The following CACNA1E variants were observed in gnomAD, a reference collection of about 807,000 sequenced individuals.
The protein encoded by CACNA1E is voltage-dependent R-type calcium channel subunit alpha-1E.
Under a neutral mutation model 259.2 loss-of-function variants are expected in CACNA1E, and 40 were observed. That is an observed-to-expected ratio of 0.15 (90% CI 0.12 to 0.20). CACNA1E has a LOEUF of 0.20. CACNA1E is among the 10% of genes least tolerant of loss of function. The pLI is 1.00. For synonymous variants in CACNA1E, 1,104 were observed against 1,138.5 expected (o/e 0.97, Z 0.61); for missense variants, 1,874 against 3,040.1 (o/e 0.62, Z 9.02).
chr1:181,784,680 G>A lies in CACNA1E; in HGVS notation c.5490G>A (p.Gln1830=), dbSNP rs1660712261. ...KIAKGGADRQ[Q]LDSELQKETL... ...TTCTAGGTGGTGCAGACAGGCAGCA[G>A]CTAGACTCAGAGCTACAAAAGGAGA... The change falls in exon 41 of 48, where the codon CAG becomes CAA. Residue 1830 remains glutamine (Q), a synonymous_variant. Coordinates refer to ENST00000367573, the MANE Select transcript of CACNA1E (RefSeq NM_001205293.3). 1 of 1,580,272 alleles carries A rather than the reference G, an allele frequency of 6.3e-7. No individual in the cohort carries two copies. Among genetic ancestry groups the A allele is most frequent in the African/African-American group, 1.4e-5 (1 of 73,934 alleles).
chr1:181,438,685 C>A (rs1375227291), intron 2 of CACNA1E, among the ~76,000 whole-genome samples: 1 of 152,062 alleles, frequency 6.6e-6, no homozygotes, highest in Admixed American at 6.5e-5. Flanking sequence ...TGGATCATAC[C>A]ACTCTTGTCA....
chr1:181,772,778 G>A (rs1251412760), intron 37 of CACNA1E, among the ~76,000 whole-genome samples: 1 of 152,140 alleles, frequency 6.6e-6, no homozygotes, highest in Non-Finnish European at 1.5e-5. Flanking sequence ...GATGATAATT[G>A]ACCAGCTGAT....
chr1:181,330,367 G>A (rs892313325), intron 1 of CACNA1E, among the ~76,000 whole-genome samples: 16 of 151,790 alleles, frequency 1.1e-4, no homozygotes, highest in Non-Finnish European at 2.2e-4. Flanking sequence ...AGTTTCTTAT[G>A]GCTGAAACCA....
At chr1:181,697,164 A>C (rs1010748573) in intron 7 of CACNA1E, among the ~76,000 whole-genome samples, 1 of 152,212 alleles carries the variant, frequency 6.6e-6, no homozygotes, top group Non-Finnish European at 1.5e-5. Flanking sequence ...TAACAAAAGC[A>C]GGGGAGGAAA....
chr1:181,548,313 A>G (rs867555254), intron 3 of CACNA1E, among the ~76,000 whole-genome samples: 3 of 151,940 alleles, frequency 2.0e-5, no homozygotes, highest in Non-Finnish European at 4.4e-5. Flanking sequence ...TTTAGTAGAT[A>G]CGGGGTTTCA....
At chr1:181,549,322 G>A (rs1320711599) in intron 3 of CACNA1E, among the ~76,000 whole-genome samples, 4 of 152,158 alleles carry the variant, frequency 2.6e-5, no homozygotes, top group Non-Finnish European at 5.9e-5. Context: ...AGAAGTGGAT[G>A]GATTAGAATG....
chr1:181,713,632 GTT>G (rs1414752939), intron 8 of CACNA1E, among the ~76,000 whole-genome samples: 1 of 152,174 alleles, frequency 6.6e-6, no homozygotes, highest in Non-Finnish European at 1.5e-5. Context: ...TGTTAAAAGT[GTT>G]TAAATTAAAC....
chr1:181,589,760 C>T (rs1456150145), intron 6 of CACNA1E, among the ~76,000 whole-genome samples: 1 of 152,040 alleles, frequency 6.6e-6, no homozygotes, highest in Non-Finnish European at 1.5e-5. Context: ...TCTGGACAGC[C>T]CATGTAGAAA....
intron 1 of CACNA1E, among the ~76,000 whole-genome samples, chr1:181,405,878 A>G (rs1657429871): frequency 6.6e-6 from 1 of 152,206 alleles, no homozygotes; most frequent in Non-Finnish European, 1.5e-5. Flanking sequence ...AGAGTTTAGG[A>G]AGACTCTGAG....
At chr1:181,346,883 T>C (rs1652633803) in intron 1 of CACNA1E, among the ~76,000 whole-genome samples, 1 of 152,074 alleles carries the variant, frequency 6.6e-6, no homozygotes, top group Non-Finnish European at 1.5e-5. Flanking sequence ...AGGAAGTCTC[T>C]CTATGGAAGC....
At position 181,461,872 on chromosome 1, in the gene CACNA1E, T is replaced by C. The variant is rs560261331; in HGVS notation, c.435-21872T>C. 1.5e-4 allele frequency among the ~76,000 whole-genome samples: 23 copies of C among 152,310 alleles called. No individual in the cohort carries two copies. The South Asian group carries it at 1.9e-3, about 12-fold the overall frequency. ...GAAAATTATCCGTAATGCCATCATG[T>C]ACAACTGATCGTTAATAATGGATAA... On this transcript the variant is annotated intron_variant, in intron 2 of 11. Transcript: ENST00000524607.
At chr1:181,601,797 C>T (rs991878491) in intron 6 of CACNA1E, among the ~76,000 whole-genome samples, 1 of 152,136 alleles carries the variant, frequency 6.6e-6, no homozygotes, top group African/African-American at 2.4e-5. Context: ...CAGAACCCTC[C>T]AGTAGCTCCT....
intron 1 of CACNA1E, among the ~76,000 whole-genome samples, chr1:181,324,833 C>G (rs1037510284): frequency 6.6e-6 from 1 of 152,078 alleles, no homozygotes; most frequent in Non-Finnish European, 1.5e-5. Context: ...TGAGTAAGTT[C>G]CAGGTTGCTC....
At chr1:181,747,748 T>C (rs956510410) in intron 25 of CACNA1E, among the ~76,000 whole-genome samples, 8 of 152,242 alleles carry the variant, frequency 5.3e-5, no homozygotes, top group African/African-American at 9.6e-5. Context: ...TCCTAAACAA[T>C]GTGCCTCAAT....
chr1:181,688,008 ATT>A (rs1053276503), intron 7 of CACNA1E, among the ~76,000 whole-genome samples: 24 of 152,022 alleles, frequency 1.6e-4, no homozygotes, highest in African/African-American at 5.1e-4. Flanking sequence ...TCCAAACATC[ATT>A]TTGTCTGAAA....
intron 19 of CACNA1E, 98 bp downstream of exon 19, chr1:181,731,329 C>A: frequency 1.1e-6 from 1 of 900,238 alleles, no homozygotes; most frequent in Non-Finnish European, 1.8e-6. Context: ...ACTGGGTGTG[C>A]ATGTCAGTGT....
At chr1:181,401,261 A>G (rs1657082207) in intron 1 of CACNA1E, among the ~76,000 whole-genome samples, 1 of 151,918 alleles carries the variant, frequency 6.6e-6, no homozygotes, top group South Asian at 2.1e-4. Context: ...CCTAACTCCC[A>G]TCCTTCCTGC....
chr1:181,470,619 A>G (rs1303173696), intron 2 of CACNA1E, among the ~76,000 whole-genome samples: 4 of 152,116 alleles, frequency 2.6e-5, no homozygotes, highest in Non-Finnish European at 5.9e-5. Flanking sequence ...GGGACCTTCT[A>G]TGATTGATTT....
At chr1:181,558,458 T>C (rs1352596016) in intron 3 of CACNA1E, among the ~76,000 whole-genome samples, 1 of 152,202 alleles carries the variant, frequency 6.6e-6, no homozygotes, top group Non-Finnish European at 1.5e-5. Context: ...AACTGAATTA[T>C]AAGATAGAAG....
Sources: gnomAD v4.1 joint callset for allele counts (sites outside exome capture counted in the v4.1 genomes callset) on GRCh38, gnomAD v4.1.1 for gene constraint, MANE v1.5 for transcripts, NCBI Gene and HGNC (gene_info 2026-07-23, HGNC 2026-07-21) for gene names.